Variants in WASHC2A observed in about 807,000 individuals in gnomAD.
WASHC2A encodes WASH complex subunit FAM21A.
Under a neutral mutation model 140.3 loss-of-function variants are expected in WASHC2A, and 82 were observed. That is an observed-to-expected ratio of 0.58 (90% CI 0.49 to 0.70). WASHC2A has a LOEUF of 0.70. Among genes scored for constraint, WASHC2A ranks in the 30% least tolerant of loss-of-function variants. The probability of loss-of-function intolerance (pLI) is 0.00; values close to 1 mark genes in which losing one functional copy is unlikely to be tolerated. For missense variants in WASHC2A, 985 were observed against 1,521.8 expected (o/e 0.65, Z 5.87); for synonymous variants, 340 against 560.8 (o/e 0.61, Z 5.56).
At chr10:50,124,517 G>A (rs1843258479) in intron 23 of WASHC2A, among the ~76,000 whole-genome samples, 1 of 152,128 alleles carries the variant, frequency 6.6e-6, no homozygotes, top group Admixed American at 6.6e-5. Context: ...ACTTTTAAAT[G>A]TTAGATATCT....
intron 19 of WASHC2A, among the ~76,000 whole-genome samples, chr10:50,108,889 G>GAAAAAAA (rs1182148936): frequency 3.8e-4 from 29 of 75,594 alleles, no homozygotes; most frequent in Non-Finnish European, 5.3e-4. Flanking sequence ...CTCGAAAAAG[G>GAAAAAAA]AAAAAAAAAA....
At chr10:50,088,410 G>A (rs1378598247) in intron 8 of WASHC2A, among the ~76,000 whole-genome samples, 2 of 149,172 alleles carry the variant, frequency 1.3e-5, no homozygotes, top group African/African-American at 4.9e-5. Flanking sequence ...GGGACTATGG[G>A]TGTGTGGCAC....
In WASHC2A at chr10:50,083,655, C is replaced by G. The variant is rs1363330916; in HGVS notation, c.529-417C>G. On this transcript the variant is annotated intron_variant, in intron 5 of 30. Transcript: ENST00000282633. ...TCACTGCAACACTGTTTCCTGGGTT[C>G]AAGTGATTCTCCTGCCTCAGCCGCC... is the stretch of plus-strand genomic sequence containing the variant. 4.6e-4 allele frequency among the ~76,000 whole-genome samples: 51 copies of G among 110,858 alleles called. 5 individuals carry two copies. The highest frequency in any genetic ancestry group is 1.0e-3 in the Admixed American group (11 of 10,874). The allele number at this position is 110,858 out of a possible 152,430, so 72.7% of individuals were successfully genotyped here. A position where few individuals can be genotyped will look rare whatever the true frequency, so the allele number is the denominator to read the frequency against.
chr10:50,079,166 C>A (rs1188035713), intron 4 of WASHC2A, among the ~76,000 whole-genome samples: 12 of 150,224 alleles, frequency 8.0e-5, no homozygotes, highest in African/African-American at 2.9e-4. Flanking sequence ...TCTTTTTCTT[C>A]CACTCAGGAA....
intron 22 of WASHC2A, among the ~76,000 whole-genome samples, chr10:50,118,300 T>C (rs1343424969): frequency 6.7e-5 from 4 of 60,116 alleles, no homozygotes; most frequent in Non-Finnish European, 1.5e-4. Flanking sequence ...CTGTGGTTAC[T>C]GTCACGTCAT....
chr10:50,095,075 G>A (rs1421330587), intron 13 of WASHC2A, 73 bp from the exon 14 acceptor site: 291 of 1,600,162 alleles, frequency 1.8e-4, no homozygotes, highest in African/African-American at 1.5e-3. Flanking sequence ...TACATCGCAC[G>A]TATTTCAGGA....
chr10:50,076,498 G>A (rs1329413320), intron 3 of WASHC2A, among the ~76,000 whole-genome samples: 1 of 152,188 alleles, frequency 6.6e-6, no homozygotes, highest in Non-Finnish European at 1.5e-5. Context: ...CAGATTGGCA[G>A]ATACTTAAAG....
intron 28 of WASHC2A, among the ~76,000 whole-genome samples, chr10:50,128,231 C>G (rs1160571858): frequency 1.3e-5 from 2 of 151,926 alleles, no homozygotes; most frequent in Non-Finnish European, 2.9e-5. Flanking sequence ...CTAGTCACTT[C>G]ACACTTTCCA....
Position 50,106,363 on chromosome 10 carries a change from G to T in WASHC2A, c.1767G>T (p.Lys589Asn). ...EDNLFGGTAA[K>N]KQTLCLQAQR... ...ATCTTTTTGGGGGTACAGCTGCTAA[G>T]AAGCAGACATTGTGTCTACAAGCTC... The change falls in exon 19 of 31, where the codon AAG becomes AAT. Residue 589 changes from lysine to asparagine, a missense_variant. By Grantham distance (94) the Lys-to-Asn change is moderately conservative. Transcript: ENST00000282633. 3.7e-6 allele frequency: 6 copies of T among 1,611,900 alleles called. No individual in the cohort carries two copies. Among genetic ancestry groups the T allele is most frequent in the Non-Finnish European group, 5.1e-6 (6 of 1,179,850 alleles).
intron 17 of WASHC2A, among the ~76,000 whole-genome samples, chr10:50,103,331 G>A (rs1484929027): frequency 1.3e-5 from 2 of 151,542 alleles, no homozygotes; most frequent in Non-Finnish European, 2.9e-5. Flanking sequence ...AAGCCGAGGC[G>A]GGCGGATCAC....
rs573083202 is a variant in WASHC2A, at chr10:50,078,635, C to T, written c.292-40C>T. The stretch of plus-strand genomic sequence containing the variant: ...TTATATTGTGATTTATTTCCAATGA[C>T]GTGTTGACCTTTTAACATTGAGTTT... On this transcript the variant is annotated intron_variant, in intron 3 of 30. Coordinates refer to ENST00000282633, the MANE Select transcript of WASHC2A (RefSeq NM_001005751.3). 104 of 1,611,604 alleles carry T rather than the reference C, an allele frequency of 6.5e-5. 1 individual carries two copies. In the South Asian group the frequency reaches 9.0e-4, roughly 14 times the overall value.
chr10:50,129,251 C>T, intron 28 of WASHC2A, 168 bp from the exon 29 acceptor site: 1 of 1,224,334 alleles, frequency 8.2e-7, no homozygotes, highest in African/African-American at 1.5e-5. Context: ...TATTAAACTC[C>T]TTCCTTGGAA....
chr10:50,128,887 C>G (rs1321718914), intron 28 of WASHC2A, among the ~76,000 whole-genome samples: 1 of 151,428 alleles, frequency 6.6e-6, no homozygotes, highest in Non-Finnish European at 1.5e-5. Context: ...GAATATTTAA[C>G]GTTTGAATTC....
At chr10:50,092,682 C>T (rs1490254538) in intron 11 of WASHC2A, among the ~76,000 whole-genome samples, 1 of 151,266 alleles carries the variant, frequency 6.6e-6, no homozygotes, top group East Asian at 2.0e-4. Context: ...CCTTGGAAGG[C>T]ATGTTTTGGG....
chr10:50,100,351 G>A (rs1183436074), intron 17 of WASHC2A, among the ~76,000 whole-genome samples: 9 of 151,002 alleles, frequency 6.0e-5, no homozygotes, highest in East Asian at 1.9e-4. Context: ...GTATGGTGGT[G>A]CGAGCCTGTA....
intron 16 of WASHC2A, among the ~76,000 whole-genome samples, chr10:50,098,146 G>T (rs1372374750): frequency 6.6e-6 from 1 of 152,008 alleles, no homozygotes; most frequent in East Asian, 1.9e-4. Flanking sequence ...CTCTTGAAAA[G>T]ACTTCCATAT....
rs564359168 is a variant in WASHC2A at position 50,129,615 on chromosome 10, C to T, written c.3284C>T (p.Ala1095Val). The T allele has an allele frequency of 2.7e-4, 443 of 1,612,044 alleles. 7 individuals carry two copies. In the South Asian group the frequency reaches 4.1e-3, roughly 15 times the overall value. ...AASGEDSTEE[A>V]LAAAAAPWEG... ...AGTGGAGAAGACAGCACTGAGGAGGCCCTGGCAGCTGCCGCTGCACCTTGG... is the reference window on the plus strand; with the variant it reads ...AGTGGAGAAGACAGCACTGAGGAGGTCCTGGCAGCTGCCGCTGCACCTTGG... Residue 1095 changes from alanine to valine, a missense_variant, in exon 29 of 31, where the codon GCC becomes GTC. Transcript: ENST00000282633.
chr10:50,127,276 T>C, intron 27 of WASHC2A, 54 bp downstream of exon 27: 1 of 1,611,856 alleles, frequency 6.2e-7, no homozygotes, highest in South Asian at 1.1e-5. Flanking sequence ...TATAAACTTT[T>C]TTGGGTTTCC....
chr10:50,091,866 A>G (rs1342898637), intron 10 of WASHC2A, among the ~76,000 whole-genome samples: 5 of 152,264 alleles, frequency 3.3e-5, no homozygotes, highest in Admixed American at 3.3e-4. Context: ...AATGTGCTAT[A>G]TAGCATATTC....
Sources: gnomAD v4.1 joint callset for allele counts (sites outside exome capture counted in the v4.1 genomes callset) on GRCh38, gnomAD v4.1.1 for gene constraint, MANE v1.5 for transcripts, NCBI Gene and HGNC (gene_info 2026-07-23, HGNC 2026-07-21) for gene names.